CLEC16A: variants seen among roughly 807,000 people sequenced by gnomAD.
CLEC16A encodes protein CLEC16A.
CLEC16A carries 51 observed loss-of-function variants against 109.5 expected under a neutral mutation model. The observed-to-expected ratio is 0.47, with a 90% CI of 0.37 to 0.59. The LOEUF is 0.59. Among genes scored for constraint, CLEC16A ranks in the 20% least tolerant of loss-of-function variants. CLEC16A has a pLI of 0.00. For synonymous variants in CLEC16A, 673 were observed against 564.2 expected (o/e 1.19, Z -2.73); for missense variants, 1,339 against 1,394.0 (o/e 0.96, Z 0.63).
chr16:10,982,405 C>T (rs1021948639), intron 9 of CLEC16A, among the ~76,000 whole-genome samples: 1 of 152,214 alleles, frequency 6.6e-6, no homozygotes, highest in Non-Finnish European at 1.5e-5. Context: ...GTGATGGAAT[C>T]TCTGTGTAGC....
intron 11 of CLEC16A, among the ~76,000 whole-genome samples, chr16:11,016,794 A>G (rs923261266): frequency 2.0e-5 from 3 of 152,088 alleles, no homozygotes; most frequent in Admixed American, 6.6e-5. Context: ...TTTTCTTCCA[A>G]TGCACAATGA....
At chr16:10,975,701 G>T (rs185567274) in intron 7 of CLEC16A, among the ~76,000 whole-genome samples, 1 of 152,058 alleles carries the variant, frequency 6.6e-6, no homozygotes, top group Non-Finnish European at 1.5e-5. Context: ...AGGCTGGAGT[G>T]CAATAGTGCA....
chr16:10,971,970 G>C (rs2042811825), intron 5 of CLEC16A, among the ~76,000 whole-genome samples: 2 of 152,156 alleles, frequency 1.3e-5, no homozygotes, highest in African/African-American at 4.8e-5. Context: ...AATGAGGGTG[G>C]GGGCTTCTCA....
intron 22 of CLEC16A, among the ~76,000 whole-genome samples, chr16:11,132,846 C>G (rs115859618): frequency 2.4e-3 from 361 of 152,208 alleles, no homozygotes; most frequent in African/African-American, 8.3e-3. Flanking sequence ...CGGATGGATG[C>G]ATTGGTGGAT....
intron 23 of CLEC16A, among the ~76,000 whole-genome samples, chr16:11,168,367 C>T (rs1262698124): frequency 1.3e-5 from 2 of 152,190 alleles, no homozygotes; most frequent in African/African-American, 2.4e-5. Context: ...CCAGGCAGTT[C>T]CAGTCAATAA....
intron 1 of CLEC16A, among the ~76,000 whole-genome samples, chr16:10,949,780 T>C (rs901505985): frequency 2.0e-5 from 3 of 152,098 alleles, no homozygotes; most frequent in African/African-American, 7.2e-5. Flanking sequence ...TCCACATGTG[T>C]TGGTGGGGCG....
At chr16:11,040,251 T>G (rs139629495) in intron 14 of CLEC16A, 1 of 199,384 alleles carries the variant, frequency 5.0e-6, no homozygotes, top group East Asian at 1.3e-4. Context: ...CATTCGAAGG[T>G]TTAACGGGCC....
In CLEC16A at chr16:11,123,916, G is replaced by C; in HGVS notation, c.2443G>C (p.Ala815Pro). 1.2e-6 allele frequency: 2 copies of C among 1,613,244 alleles called. No individual in the cohort carries two copies. The highest frequency in any genetic ancestry group is 1.7e-6 in the Non-Finnish European group (2 of 1,179,628). ...KQRLAKGRIQ[A>P]RRMKMQRIAA... ...GCGCCTGGCCAAAGGCCGCATCCAG[G>C]CAAGGCGCATGAAGATGCAGAGAAT... The change falls in exon 21 of 24, where the codon GCA (alanine) becomes CCA (proline). Residue 815 changes from alanine to proline, a missense_variant. Physicochemically the swap from Ala to Pro is conservative, Grantham distance 27. Coordinates refer to ENST00000409790, the MANE Select transcript of CLEC16A (RefSeq NM_015226.3).
At chr16:10,960,582 C>T (rs952776026) in intron 2 of CLEC16A, among the ~76,000 whole-genome samples, 2 of 152,180 alleles carry the variant, frequency 1.3e-5, no homozygotes, top group Non-Finnish European at 2.9e-5. Context: ...TATAAAGCTA[C>T]TGTCTTCTCC....
At chr16:11,069,157 T>G (rs1597277408) in intron 19 of CLEC16A, among the ~76,000 whole-genome samples, 1 of 152,232 alleles carries the variant, frequency 6.6e-6, no homozygotes, top group East Asian at 1.9e-4. Flanking sequence ...AGACAGGGTT[T>G]CACTCTGTTG....
chr16:10,993,967 G>A lies in CLEC16A; in HGVS notation c.1072-9107G>A, dbSNP rs1229143156. Among the ~76,000 whole-genome samples the A allele has an allele frequency of 2.6e-5, 4 of 152,192 alleles. No homozygotes were observed. In the East Asian group the frequency reaches 7.7e-4, roughly 29 times the overall value. ...CCTACAGACTTAGTGACACGCCAGA[G>A]GTCACTTTCCAAGAGGAAATTGCAG... On this transcript the variant is annotated intron_variant, in intron 10 of 23. Coordinates refer to ENST00000409790, the MANE Select transcript of CLEC16A (RefSeq NM_015226.3).
chr16:11,079,377 C>T (rs575744883), intron 19 of CLEC16A, among the ~76,000 whole-genome samples: 2 of 152,222 alleles, frequency 1.3e-5, no homozygotes, highest in Admixed American at 1.3e-4. Flanking sequence ...TGGCCTCCCC[C>T]AGTCCTCACA....
intron 23 of CLEC16A, among the ~76,000 whole-genome samples, chr16:11,168,128 C>A (rs542794904): frequency 6.6e-6 from 1 of 152,256 alleles, no homozygotes; most frequent in African/African-American, 2.4e-5. Flanking sequence ...CCCACAGTAT[C>A]AAAAATGATC....
chr16:11,176,910 T>C (rs2068771184), intron 23 of CLEC16A, among the ~76,000 whole-genome samples: 1 of 152,238 alleles, frequency 6.6e-6, no homozygotes, highest in Non-Finnish European at 1.5e-5. Context: ...CTGCCTGCTT[T>C]TATTTCGTTC....
At chr16:11,020,443 C>G in intron 12 of CLEC16A, 118 bp downstream of exon 12, 1 of 1,256,970 alleles carries the variant, frequency 8.0e-7, no homozygotes, top group Non-Finnish European at 1.1e-6. Flanking sequence ...CATGCTGCCT[C>G]CCTTTCTTTC....
chr16:11,167,984 G>A (rs766945874), intron 23 of CLEC16A, among the ~76,000 whole-genome samples: 4 of 152,166 alleles, frequency 2.6e-5, no homozygotes, highest in South Asian at 2.1e-4. Flanking sequence ...CATATTTACC[G>A]TTGCACTGGG....
chr16:10,994,878 C>T (rs2044239884), intron 10 of CLEC16A, among the ~76,000 whole-genome samples: 3 of 152,160 alleles, frequency 2.0e-5, no homozygotes, highest in African/African-American at 7.2e-5. Context: ...TCCCGGGAGG[C>T]TGGCCCAACG....
At chr16:11,163,332 C>T (rs957925869) in intron 22 of CLEC16A, among the ~76,000 whole-genome samples, 3 of 152,210 alleles carry the variant, frequency 2.0e-5, no homozygotes, top group Admixed American at 6.5e-5. Flanking sequence ...CCAAAAGTCA[C>T]TGTGGCTTTC....
intron 19 of CLEC16A, among the ~76,000 whole-genome samples, chr16:11,077,035 T>A (rs990882781): frequency 3.9e-5 from 6 of 152,160 alleles, no homozygotes; most frequent in Non-Finnish European, 7.3e-5. Flanking sequence ...GGACTGATCA[T>A]TAGAATCTAT....
Sources: allele counts gnomAD v4.1 joint callset (sites outside exome capture counted in the v4.1 genomes callset), GRCh38; gene constraint gnomAD v4.1.1; transcripts MANE v1.5; gene names NCBI Gene and HGNC (gene_info 2026-07-23, HGNC 2026-07-21).